The following WDR59 variants were observed in gnomAD, a reference collection of about 807,000 sequenced individuals.
The protein encoded by WDR59 is GATOR2 complex protein WDR59.
A neutral mutation model predicts 131.2 loss-of-function variants in WDR59; 100 were observed. That is an observed-to-expected ratio of 0.76 (90% CI 0.65 to 0.90). The LOEUF (loss-of-function observed/expected upper bound fraction) is 0.90, where lower values mean the gene tolerates loss of function less well. Among genes scored for constraint, WDR59 ranks in the 40% least tolerant of loss-of-function variants. The pLI is 0.00. For synonymous variants in WDR59, 601 were observed against 466.2 expected, an observed-to-expected ratio of 1.29 and a Z score of -3.72; for missense variants, 1,203 against 1,262.2, an observed-to-expected ratio of 0.95 and a Z score of 0.71.
Position 74,917,983 on chromosome 16 carries a change from C to T in WDR59, c.912G>A (p.Thr304=), listed in dbSNP as rs534012628. The T allele has an allele frequency of 1.5e-5, 24 of 1,613,992 alleles. No homozygotes were observed. The East Asian group carries it at 3.1e-4, about 21-fold the overall frequency. The part of the protein sequence containing the change: ...KEGSKDYQLV[T]WSRDQTLRMW... ...TTCTCAAGGTCTGATCCCGGGACCACGTCACCAGTTGATAGTCCTTGGACC... is the reference window on the plus strand; with the variant it reads ...TTCTCAAGGTCTGATCCCGGGACCATGTCACCAGTTGATAGTCCTTGGACC... The change falls in exon 11 of 26, where the codon ACG becomes ACA. Residue 304 remains threonine (T), a synonymous_variant. Transcript: ENST00000262144.
chr16:74,911,414 C>T (rs957744946), intron 14 of WDR59, among the ~76,000 whole-genome samples: 1 of 152,118 alleles, frequency 6.6e-6, no homozygotes, highest in Non-Finnish European at 1.5e-5. Flanking sequence ...CCAAACTGGA[C>T]AAAAAATGAG....
chr16:74,953,744 G>A (rs1282647194), intron 3 of WDR59, among the ~76,000 whole-genome samples: 1 of 152,024 alleles, frequency 6.6e-6, no homozygotes, highest in Non-Finnish European at 1.5e-5. Context: ...TCTCATGCCT[G>A]TAATCCCAGC....
At chr16:74,949,650 C>T (rs758855781) in intron 5 of WDR59, 68 bp downstream of exon 5, 17 of 1,436,638 alleles carry the variant, frequency 1.2e-5, no homozygotes, top group Non-Finnish European at 1.6e-5. Context: ...AACTAAGACA[C>T]TTGATCTCTA....
chr16:74,911,600 C>G (rs1966095679), intron 14 of WDR59, among the ~76,000 whole-genome samples: 1 of 152,202 alleles, frequency 6.6e-6, no homozygotes, highest in African/African-American at 2.4e-5. Flanking sequence ...AACACAGATG[C>G]CAGGCTGTGG....
chr16:74,979,980 C>G (rs1354365535), intron 1 of WDR59, among the ~76,000 whole-genome samples: 4 of 150,812 alleles, frequency 2.7e-5, no homozygotes, highest in African/African-American at 9.7e-5. Context: ...TCCCGAGTAG[C>G]TGGGATGACA....
intron 25 of WDR59, among the ~76,000 whole-genome samples, chr16:74,880,708 G>C (rs1964440269): frequency 6.6e-6 from 1 of 152,168 alleles, no homozygotes; most frequent in Non-Finnish European, 1.5e-5. Context: ...GAGGTGAAAT[G>C]AATCATTCTT....
rs775193441 is a variant in WDR59 at position 74,885,747 on chromosome 16, GCA to G, written c.2593_2594del (p.Cys865LeufsTer16). ...CCCAACGGTAGAGGATTTCCCCATA[GCA>G]TTTCTTAAAGTCATCAAATTGCTGG... Reference protein sequence around the residue: ...NTQQFDDFKKCYGEILYRWGL... With the variant: ...NTQQFDDFKKXYGEILYRWGL... On this transcript the variant is annotated frameshift_variant, in exon 25 of 26. Transcript: ENST00000262144. LOFTEE classifies it high-confidence loss of function. 76 of 1,614,018 alleles carry G rather than the reference GCA, an allele frequency of 4.7e-5. No homozygotes were observed. Among genetic ancestry groups the G allele is most frequent in the Non-Finnish European group, 5.8e-5 (69 of 1,180,030 alleles).
At chr16:74,913,939 G>A (rs1173307609) in intron 13 of WDR59, among the ~76,000 whole-genome samples, 1 of 152,210 alleles carries the variant, frequency 6.6e-6, no homozygotes, top group African/African-American at 2.4e-5. Flanking sequence ...GGGCACAGTG[G>A]CTCACGCCTG....
At chr16:74,891,936 C>G (rs559615738) in intron 20 of WDR59, among the ~76,000 whole-genome samples, 1 of 152,118 alleles carries the variant, frequency 6.6e-6, no homozygotes, top group South Asian at 2.1e-4. Flanking sequence ...AAAACAAAAA[C>G]AAAAACAAAC....
At chr16:74,885,417 C>T (rs966507389) in intron 25 of WDR59, among the ~76,000 whole-genome samples, 3 of 124,884 alleles carry the variant, frequency 2.4e-5, no homozygotes, top group African/African-American at 9.3e-5. Context: ...CACTGCACTC[C>T]AGCCTGGGCA....
rs553997490 is a variant in WDR59, at chr16:74,916,153, T to C, written c.1073A>G (p.His358Arg). 63 of 1,614,094 alleles carry C rather than the reference T, an allele frequency of 3.9e-5. No homozygotes were observed. In the Middle Eastern group the frequency reaches 8.2e-4, roughly 21 times the overall value. ...TTCTTCCTCCCCATGGCTTGCAGTG[T>C]GCTGGTGATCTGTATCTTCAGTGTG... is the stretch of plus-strand genomic sequence containing the variant. ...TLHTEDTDHQHTASHGEEEAL... is the reference protein window; with the variant it reads ...TLHTEDTDHQRTASHGEEEAL... Residue 358 changes from histidine (H) to arginine (R), a missense_variant, in exon 12 of 26, where the codon CAC becomes CGC. Coordinates refer to ENST00000262144, the MANE Select transcript of WDR59 (RefSeq NM_030581.4).
intron 18 of WDR59, among the ~76,000 whole-genome samples, chr16:74,899,300 C>T (rs1231448287): frequency 1.3e-5 from 2 of 152,138 alleles, no homozygotes; most frequent in Non-Finnish European, 2.9e-5. Flanking sequence ...AAAGCAGAGA[C>T]AAAATAGTGG....
At chr16:74,892,423 A>G in intron 20 of WDR59, 61 bp downstream of exon 20, 1 of 1,372,340 alleles carries the variant, frequency 7.3e-7, no homozygotes, top group Non-Finnish European at 1.0e-6. Context: ...CCAATGACAA[A>G]GTAAAAACAA....
At position 74,888,301 on chromosome 16, in the gene WDR59, C is replaced by A. The variant is rs766972429; in HGVS notation, c.2214G>T (p.Arg738=). ...TCGCCAGTGTCTGAACATCCCGGAG[C>A]CGGCAATAGTGAGCCAACCTGAGGA... ...LLESLLAHYC[R]LRDVQTLAML... The change falls in exon 22 of 26, where the codon CGG becomes CGT. Residue 738 remains arginine, a synonymous_variant. Transcript: ENST00000262144. 1.2e-6 allele frequency: 2 copies of A among 1,613,222 alleles called. No individual in the cohort carries two copies. The highest frequency in any genetic ancestry group is 3.3e-5 in the Admixed American group (2 of 59,780).
At chr16:74,943,958 A>G (rs943466168) in intron 6 of WDR59, among the ~76,000 whole-genome samples, 2 of 152,200 alleles carry the variant, frequency 1.3e-5, no homozygotes, top group Admixed American at 1.3e-4. Context: ...AGACCAGTGA[A>G]GATGAAGCAA....
chr16:74,978,229 A>C (rs1416704932), intron 1 of WDR59, among the ~76,000 whole-genome samples: 1 of 150,938 alleles, frequency 6.6e-6, no homozygotes, highest in East Asian at 2.0e-4. Flanking sequence ...AGGCTGAGGC[A>C]GAGAATCGCT....
chr16:74,885,596 T>C (rs1296475970), intron 25 of WDR59, 57 bp downstream of exon 25: 1 of 1,588,090 alleles, frequency 6.3e-7, no homozygotes, highest in Non-Finnish European at 8.6e-7. Context: ...GCTGTGGACA[T>C]ATTAAATTAC....
intron 2 of WDR59, among the ~76,000 whole-genome samples, chr16:74,961,323 A>T (rs1056609511): frequency 3.2e-4 from 48 of 152,242 alleles, no homozygotes; most frequent in African/African-American, 1.1e-3. Flanking sequence ...ACAACAAAAA[A>T]AACCCAATAT....
At chr16:74,945,631 C>CG (rs1301586610) in intron 6 of WDR59, among the ~76,000 whole-genome samples, 16 of 151,960 alleles carry the variant, frequency 1.1e-4, no homozygotes, top group Admixed American at 3.3e-4. Flanking sequence ...CAGGTGGTGG[C>CG]GGGGGGCAGA....
Sources: allele counts gnomAD v4.1 joint callset (sites outside exome capture counted in the v4.1 genomes callset), GRCh38; gene constraint gnomAD v4.1.1; transcripts MANE v1.5; gene names NCBI Gene and HGNC (gene_info 2026-07-23, HGNC 2026-07-21).